Variants in TMEM169 observed in about 807,000 individuals in gnomAD.
TMEM169 encodes transmembrane protein 169.
A neutral mutation model predicts 27.3 loss-of-function variants in TMEM169; 18 were observed. The ratio of observed to expected loss-of-function variants is 0.66; its 90% CI spans 0.46 to 0.98. TMEM169 has a LOEUF of 0.98. Among genes scored for constraint, TMEM169 ranks in the 50% least tolerant of loss-of-function variants. The pLI is 0.00. For synonymous variants in TMEM169, 136 were observed against 142.1 expected (o/e 0.96, Z 0.30); for missense variants, 320 against 368.6 (o/e 0.87, Z 1.08).
At position 216,099,709 on chromosome 2, in the gene TMEM169, A is replaced by G. The variant is rs1194942771; in HGVS notation, c.272-211A>G. 6.6e-6 allele frequency among the ~76,000 whole-genome samples: 1 copy of G among 152,166 alleles called. No individual in the cohort carries two copies. The highest frequency in any genetic ancestry group is 1.5e-5 in the Non-Finnish European group (1 of 68,020). On this transcript the variant is annotated intron_variant, in intron 2 of 2. Transcript: ENST00000437356. The surrounding 1 kb of genome is among the most constrained non-coding windows in gnomAD (Gnocchi z 5.0). ...ACAATTTTATCAGGGCCCAGGCACA[A>G]GGACTGAGAGTTCATGTGGGAGCAA...
chr2:216,099,385 G>C lies in TMEM169; in HGVS notation c.272-535G>C, dbSNP rs1260337035. Among the ~76,000 whole-genome samples, 1 of 151,850 alleles carries C rather than the reference G, an allele frequency of 6.6e-6. No individual in the cohort carries two copies. The highest frequency in any genetic ancestry group is 1.5e-5 in the Non-Finnish European group (1 of 67,936). ...TATGGTGTGTATGTAGTATGTGAGA[G>C]GGTGTATGTGTATGGTATATGTGGG... On this transcript the variant is annotated intron_variant, in intron 2 of 2. Transcript: ENST00000437356. The surrounding 1 kb of genome is among the most constrained non-coding windows in gnomAD (Gnocchi z 5.0).
intron 1 of TMEM169, among the ~76,000 whole-genome samples, chr2:216,083,217 C>A (rs182097888): frequency 2.6e-5 from 4 of 152,358 alleles, no homozygotes; most frequent in African/African-American, 7.2e-5. Context: ...AACTCTACTA[C>A]TTAAGTCAAT....
chr2:216,090,854 T>A (rs935640463), intron 1 of TMEM169, among the ~76,000 whole-genome samples: 2 of 152,236 alleles, frequency 1.3e-5, no homozygotes, highest in Non-Finnish European at 2.9e-5. Context: ...TATTCCAGAC[T>A]TGCAGGAAAC....
In TMEM169 at chr2:216,100,699, A is replaced by G. The variant is rs896470631; in HGVS notation, c.*157A>G. The G allele has an allele frequency of 1.5e-5, 15 of 1,006,808 alleles. No homozygotes were observed. Among genetic ancestry groups the G allele is most frequent in the Non-Finnish European group, 2.1e-5 (15 of 698,466 alleles). The allele number at this position is 1,006,808 out of a possible 1,614,324, so 62.4% of individuals were successfully genotyped here. On this transcript the variant is annotated 3_prime_UTR_variant, in exon 3 of 3. Transcript: ENST00000437356. The stretch of plus-strand genomic sequence containing the variant: ...GTTTTACCATCTTGAGGGTTCCAGG[A>G]GGGCATGGAGCAGACAAGCAATTGT...
At chr2:216,086,327 T>C (rs1695997406) in intron 1 of TMEM169, among the ~76,000 whole-genome samples, 1 of 152,142 alleles carries the variant, frequency 6.6e-6, no homozygotes, top group South Asian at 2.1e-4. Flanking sequence ...CCTCCCTAAG[T>C]GCTGGAATTA....
At position 216,100,318 on chromosome 2, in the gene TMEM169, TC is replaced by T. The variant is rs1696365199; in HGVS notation, c.673del (p.Leu225SerfsTer68). On this transcript the variant is annotated frameshift_variant, in exon 3 of 3. Transcript: ENST00000437356. LOFTEE classifies it high-confidence loss of function. ...AGTGCTCATCATGGCCATGGCTTCT[TC>T]CCTCGGCCTCTACGCTGCTGTGGTC... ...YPVLIMAMAS[S>X]LGLYAAVVQL... The T allele has an allele frequency of 3.1e-6, 5 of 1,613,914 alleles. No homozygotes were observed. Among genetic ancestry groups the T allele is most frequent in the Non-Finnish European group, 4.2e-6 (5 of 1,179,974 alleles).
intron 2 of TMEM169, among the ~76,000 whole-genome samples, chr2:216,098,872 T>A (rs1050883461): frequency 6.6e-6 from 1 of 151,366 alleles, no homozygotes; most frequent in Non-Finnish European, 1.5e-5. Context: ...GTATATGGTG[T>A]ACGTATGTGT....
Position 216,095,981 on chromosome 2 carries a change from A to G in TMEM169, c.18A>G (p.Ala6=), listed in dbSNP as rs1696252939. MEEPT[A]VEGQVQLPSP... ...GGTCTGGAATGGAAGAGCCAACAGC[A>G]GTAGAAGGCCAGGTCCAGCTTCCAA... The change falls in exon 2 of 3, where the codon GCA becomes GCG. Residue 6 remains alanine, a synonymous_variant. Transcript: ENST00000437356. 1 of 1,613,680 alleles carries G rather than the reference A, an allele frequency of 6.2e-7. No homozygotes were observed. The highest frequency in any genetic ancestry group is 8.5e-7 in the Non-Finnish European group (1 of 1,179,928).
chr2:216,095,125 A>ATTTTTTTTTTTTTC (rs1696234157), intron 1 of TMEM169, among the ~76,000 whole-genome samples: 1 of 26,612 alleles, frequency 3.8e-5, no homozygotes. Flanking sequence ...TTTTTTTTTG[A>ATTTTTTTTTTTTTC]CAGAGTCTCG....
In TMEM169 at chr2:216,100,212, C is replaced by A; in HGVS notation, c.564C>A (p.Tyr188Ter). The A allele has an allele frequency of 6.2e-7, 1 of 1,613,832 alleles. No individual in the cohort carries two copies. Among genetic ancestry groups the A allele is most frequent in the Non-Finnish European group, 8.5e-7 (1 of 1,179,994 alleles). Reference protein sequence around the residue: ...VSFYYGTITWYNIFLVYNEER... With the variant: ...VSFYYGTITW ...TCTACTACGGCACTATCACCTGGTA[C>A]AACATCTTCCTCGTGTATAATGAGG... Residue 188 changes from tyrosine (Y) to a stop codon, truncating the protein, a stop_gained, in exon 3 of 3, where the codon TAC (tyrosine) becomes TAA (stop). Transcript: ENST00000437356. LOFTEE classifies it high-confidence loss of function.
At chr2:216,090,732 C>T (rs1283157227) in intron 1 of TMEM169, among the ~76,000 whole-genome samples, 7 of 152,180 alleles carry the variant, frequency 4.6e-5, no homozygotes, top group Admixed American at 1.3e-4. Flanking sequence ...AGTTTATTGA[C>T]GCACATAATT....
intron 2 of TMEM169, among the ~76,000 whole-genome samples, chr2:216,098,953 A>G (rs765112381): frequency 2.0e-5 from 3 of 146,702 alleles, no homozygotes; most frequent in Admixed American, 6.8e-5. Flanking sequence ...ATGTGTATAT[A>G]TGTGGTGTGT....
At chr2:216,098,304 G>A (rs544225225) in intron 2 of TMEM169, among the ~76,000 whole-genome samples, 13 of 152,328 alleles carry the variant, frequency 8.5e-5, no homozygotes, top group African/African-American at 2.6e-4. Context: ...CACTAATGGA[G>A]AAGTTCGGGT....
At chr2:216,082,883 A>T (rs1695901252) in intron 1 of TMEM169, 1 of 152,194 alleles carries the variant, frequency 6.6e-6, no homozygotes, top group African/African-American at 2.4e-5. Context: ...GACAGGTATT[A>T]AAATAATATA....
At chr2:216,096,975 T>C (rs1012889217) in intron 2 of TMEM169, among the ~76,000 whole-genome samples, 2 of 152,196 alleles carry the variant, frequency 1.3e-5, no homozygotes, top group Admixed American at 6.5e-5. Flanking sequence ...AAAAATTGGG[T>C]AAAATGTGAT....
chr2:216,091,016 T>C (rs1442317395), intron 1 of TMEM169, among the ~76,000 whole-genome samples: 5 of 152,226 alleles, frequency 3.3e-5, no homozygotes, highest in Admixed American at 2.6e-4. Flanking sequence ...TGCCAGACCC[T>C]GATTGGCCAA....
intron 1 of TMEM169, among the ~76,000 whole-genome samples, chr2:216,083,351 A>G (rs1177925553): frequency 2.0e-5 from 3 of 152,206 alleles, no homozygotes; most frequent in South Asian, 2.1e-4. Flanking sequence ...GTTTGATCCC[A>G]ATGACAAGGT....
intron 1 of TMEM169, among the ~76,000 whole-genome samples, chr2:216,084,121 C>A (rs1381536105): frequency 6.6e-6 from 1 of 152,134 alleles, no homozygotes; most frequent in Non-Finnish European, 1.5e-5. Context: ...AACCTCTCCC[C>A]ACAGCTCTGT....
chr2:216,085,785 C>T (rs1044973641), intron 1 of TMEM169, among the ~76,000 whole-genome samples: 1 of 151,692 alleles, frequency 6.6e-6, no homozygotes, highest in African/African-American at 2.4e-5. Context: ...GCAGGAGAAT[C>T]GCTTAAACCC....
Sources: gnomAD v4.1 joint callset for allele counts (sites outside exome capture counted in the v4.1 genomes callset) on GRCh38, gnomAD v4.1.1 for gene constraint, Gnocchi (gnomAD v3.1) non-coding constraint, MANE v1.5 for transcripts, NCBI Gene and HGNC (gene_info 2026-07-23, HGNC 2026-07-21) for gene names.